The following COL11A1 variants were observed in gnomAD, a reference collection of about 807,000 sequenced individuals.
COL11A1 encodes the protein collagen type XI alpha 1 chain, also known as collagen alpha-1(XI) chain.
In COL11A1, 74 loss-of-function variants were observed where a neutral mutation model predicts 265.2. The ratio of observed to expected loss-of-function variants is 0.28; its 90% CI spans 0.23 to 0.34. The LOEUF (loss-of-function observed/expected upper bound fraction) is 0.34, where lower values mean the gene tolerates loss of function less well. COL11A1 is among the 10% of genes least tolerant of loss of function. The pLI, the probability that COL11A1 is intolerant of heterozygous loss-of-function variation, is 1.00. For synonymous variants in COL11A1, 816 were observed against 727.6 expected (o/e 1.12, Z -1.96); for missense variants, 2,165 against 2,263.6 (o/e 0.96, Z 0.88).
At chr1:102,948,746 ATTT>A (rs1312435326) in intron 41 of COL11A1, among the ~76,000 whole-genome samples, 1 of 151,742 alleles carries the variant, frequency 6.6e-6, no homozygotes, top group African/African-American at 2.4e-5. Context: ...TCATCAATGT[ATTT>A]TTTAATTTAA....
intron 5 of COL11A1, among the ~76,000 whole-genome samples, chr1:103,030,178 G>A (rs990840236): frequency 6.6e-6 from 1 of 151,914 alleles, no homozygotes; most frequent in Admixed American, 6.6e-5. Context: ...AAATATCCCA[G>A]TAATTTATCT....
chr1:102,992,209 T>A (rs968779904), intron 28 of COL11A1, among the ~76,000 whole-genome samples: 1 of 152,160 alleles, frequency 6.6e-6, no homozygotes, highest in South Asian at 2.1e-4. Flanking sequence ...TATTTCCTTA[T>A]AACAAATGTC....
At chr1:103,021,838 C>CTT in intron 8 of COL11A1, 69 bp from the exon 9 acceptor site, 3 of 815,818 alleles carry the variant, frequency 3.7e-6, no homozygotes, top group Middle Eastern at 2.4e-4. Flanking sequence ...TTCTTTTCTT[C>CTT]TTTTTTTTTT....
chr1:103,074,685 C>G lies in COL11A1; in HGVS notation c.584G>C (p.Arg195Thr). 6.2e-7 allele frequency: 1 copy of G among 1,613,390 alleles called. No individual in the cohort carries two copies. The highest frequency in any genetic ancestry group is 8.5e-7 in the Non-Finnish European group (1 of 1,179,616). ...KTTKPLDRSE[R>T]AIVDTNGITV... ...GATTCCATTGGTATCAACAATTGCT[C>G]TCTCACTTCTATCAAGTGGTTTCGT... Residue 195 changes from arginine (R) to threonine (T), a missense_variant, in exon 4 of 67, where the codon AGA (arginine) becomes ACA (threonine). Transcript: ENST00000370096.
intron 46 of COL11A1, among the ~76,000 whole-genome samples, chr1:102,928,296 T>C (rs1431101326): frequency 1.4e-5 from 2 of 144,746 alleles, no homozygotes; most frequent in African/African-American, 5.1e-5. Context: ...TTCCCCTTCC[T>C]GTGTCCATGT....
chr1:103,077,216 T>C (rs1478097821), intron 3 of COL11A1, among the ~76,000 whole-genome samples: 1 of 152,074 alleles, frequency 6.6e-6, no homozygotes, highest in Non-Finnish European at 1.5e-5. Flanking sequence ...ACATTCTCCA[T>C]TTTTTTATTT....
At chr1:102,939,811 T>A (rs572840292) in intron 43 of COL11A1, among the ~76,000 whole-genome samples, 153 of 152,232 alleles carry the variant, frequency 1.0e-3, no homozygotes, top group Non-Finnish European at 1.6e-3. Flanking sequence ...GGTTTAAAAA[T>A]TTTTAAATAA....
intron 58 of COL11A1, 116 bp from the exon 59 acceptor site, chr1:102,889,678 AAAC>A (rs1327931616): frequency 5.3e-6 from 4 of 756,710 alleles, no homozygotes; most frequent in African/African-American, 5.3e-5. Context: ...AATGCTGATA[AAAC>A]AACATTAAAA....
rs186170470 is a variant in COL11A1, at chr1:103,044,242, C to A, written c.652-12998G>T. Among the ~76,000 whole-genome samples the A allele has an allele frequency of 3.1e-3, 460 of 150,334 alleles. 3 individuals carry two copies. Among genetic ancestry groups the A allele is most frequent in the African/African-American group, 0.011 (442 of 40,906 alleles). ...TGTTTTCTGTGGTAAAGGAAAGTTG[C>A]CAAAATGCTTAGAATTTTAGTGTAA... On this transcript the variant is annotated intron_variant, in intron 4 of 66. Coordinates refer to ENST00000370096, the MANE Select transcript of COL11A1 (RefSeq NM_001854.4).
At chr1:102,907,087 G>T (rs1468507351) in intron 54 of COL11A1, among the ~76,000 whole-genome samples, 3 of 151,974 alleles carry the variant, frequency 2.0e-5, no homozygotes, top group African/African-American at 7.3e-5. Flanking sequence ...TATTATGCTC[G>T]ATCGGGCTGA....
chr1:102,957,033 T>C (rs1660445306), intron 41 of COL11A1, among the ~76,000 whole-genome samples: 1 of 151,984 alleles, frequency 6.6e-6, no homozygotes, highest in African/African-American at 2.4e-5. Flanking sequence ...TATAAAGCAA[T>C]ATCCCATATC....
chr1:102,904,236 A>C (rs1424748765), intron 54 of COL11A1, among the ~76,000 whole-genome samples: 1 of 152,196 alleles, frequency 6.6e-6, no homozygotes, highest in Non-Finnish European at 1.5e-5. Context: ...AGATGGATTA[A>C]AGACTTAAAT....
chr1:103,103,224 C>T (rs1674426507), intron 1 of COL11A1, among the ~76,000 whole-genome samples: 1 of 151,912 alleles, frequency 6.6e-6, no homozygotes, highest in Non-Finnish European at 1.5e-5. Context: ...GATTATCTGA[C>T]ATTAATAAAA....
At chr1:103,099,466 G>GATAT (rs71097906) in intron 1 of COL11A1, among the ~76,000 whole-genome samples, 30 of 146,716 alleles carry the variant, frequency 2.0e-4, no homozygotes, top group African/African-American at 6.7e-4. Context: ...TATATATATG[G>GATAT]ATATATATAT....
In COL11A1 at chr1:103,003,231, C is replaced by T. The variant is rs1665292683; in HGVS notation, c.1982G>A (p.Gly661Glu). The T allele has an allele frequency of 6.2e-7, 1 of 1,613,668 alleles. No homozygotes were observed. The highest frequency in any genetic ancestry group is 8.5e-7 in the Non-Finnish European group (1 of 1,179,878). The change falls in exon 21 of 67, where the codon GGA (glycine) becomes GAA (glutamate). Residue 661 changes from glycine to glutamate, a missense_variant. Transcript: ENST00000370096. Reference sequence around the variant, plus strand: ...AATACATACAGGCTGCCCTGGAGCTCCTGGAGTTCCCCTTGGACCCAGCAA... The same window carrying T: ...AATACATACAGGCTGCCCTGGAGCTTCTGGAGTTCCCCTTGGACCCAGCAA... Reference protein sequence around the residue: ...RGLLGPRGTPGAPGQPGMAGV... With the variant: ...RGLLGPRGTPEAPGQPGMAGV...
chr1:102,902,702 A>C (rs1386038645), intron 54 of COL11A1, among the ~76,000 whole-genome samples: 2 of 151,824 alleles, frequency 1.3e-5, no homozygotes, highest in South Asian at 4.1e-4. Flanking sequence ...AATTTATTTT[A>C]TTATTACAAT....
At chr1:102,938,497 C>A (rs72683274) in intron 44 of COL11A1, among the ~76,000 whole-genome samples, 9,066 of 152,052 alleles carry the variant, frequency 0.06, 322 homozygotes, top group South Asian at 0.092. Flanking sequence ...TAACATATTT[C>A]ATTTAAGAAG....
rs955226255 is a variant in COL11A1 at position 103,051,220 on chromosome 1, C to G, written c.652-19976G>C. ...CAGAGGTGGAGCCTACAGAGGCAGG[C>G]AGGCCTCCTTGAGCTGTGGTGGTCT... is the stretch of plus-strand genomic sequence containing the variant. On this transcript the variant is annotated intron_variant, in intron 4 of 66. Transcript: ENST00000370096. Among the ~76,000 whole-genome samples, 8 of 152,222 alleles carry G rather than the reference C, an allele frequency of 5.3e-5. No individual in the cohort carries two copies. In the East Asian group the frequency reaches 1.5e-3, roughly 29 times the overall value.
chr1:102,888,572 C>G lies in COL11A1; in HGVS notation c.4608+5G>C. 6.2e-7 allele frequency: 1 copy of G among 1,612,196 alleles called. No homozygotes were observed. Among genetic ancestry groups the G allele is most frequent in the Non-Finnish European group, 8.5e-7 (1 of 1,178,418 alleles). On this transcript the variant is annotated splice_donor_5th_base_variant and intron_variant, in intron 62 of 66. Coordinates refer to ENST00000370096, the MANE Select transcript of COL11A1 (RefSeq NM_001854.4). ...AGAACATCACTCTTGTTAACATATA[C>G]TTACTGGAGACCCAGGAGGCCCTGG... is the stretch of plus-strand genomic sequence containing the variant.
Sources: allele counts gnomAD v4.1 joint callset (sites outside exome capture counted in the v4.1 genomes callset), GRCh38; gene constraint gnomAD v4.1.1; transcripts MANE v1.5; gene names NCBI Gene and HGNC (gene_info 2026-07-23, HGNC 2026-07-21).